STX8: variants seen among roughly 807,000 people sequenced by gnomAD.
STX8 encodes the protein syntaxin 8.
STX8 carries 23 observed loss-of-function variants against 37.5 expected under a neutral mutation model. The observed-to-expected ratio is 0.61, with a 90% CI of 0.44 to 0.87. The LOEUF (loss-of-function observed/expected upper bound fraction) is 0.87. Ranked by LOEUF, STX8 falls within the 40% of genes least tolerant of loss-of-function variation. The pLI is 0.00. For missense variants in STX8, 313 were observed against 284.7 expected (o/e 1.10, Z -0.71); for synonymous variants, 115 against 99.1 (o/e 1.16, Z -0.95).
intron 7 of STX8, among the ~76,000 whole-genome samples, chr17:9,347,436 C>T (rs1910570127): frequency 6.6e-6 from 1 of 152,148 alleles, no homozygotes; most frequent in African/African-American, 2.4e-5. Context: ...ACAAAAATGA[C>T]CATTTTAACA....
intron 2 of STX8, among the ~76,000 whole-genome samples, chr17:9,559,096 T>C (rs149628813): frequency 3.3e-5 from 5 of 152,246 alleles, no homozygotes; most frequent in African/African-American, 1.2e-4. Flanking sequence ...ATTGAAACCA[T>C]GAAAGCACCA....
chr17:9,528,274 G>A (rs1905659931), intron 4 of STX8, among the ~76,000 whole-genome samples: 1 of 152,092 alleles, frequency 6.6e-6, no homozygotes, highest in African/African-American at 2.4e-5. Flanking sequence ...GGGAGAGAGA[G>A]TATGAACTTT....
At chr17:9,311,048 C>T (rs1021674446) in intron 7 of STX8, among the ~76,000 whole-genome samples, 12 of 151,960 alleles carry the variant, frequency 7.9e-5, no homozygotes, top group African/African-American at 2.7e-4. Flanking sequence ...ACCAGCCTGA[C>T]CCACGTGGTG....
chr17:9,446,992 A>C (rs1177284673), intron 6 of STX8, among the ~76,000 whole-genome samples: 1 of 152,212 alleles, frequency 6.6e-6, no homozygotes, highest in Non-Finnish European at 1.5e-5. Context: ...TTATGTTATA[A>C]ATCTCAAACA....
intron 6 of STX8, among the ~76,000 whole-genome samples, chr17:9,473,943 A>G (rs1905989794): frequency 6.6e-6 from 1 of 152,214 alleles, no homozygotes; most frequent in Admixed American, 6.5e-5. Flanking sequence ...AGCCATACCA[A>G]TGGCTAGAGG....
chr17:9,445,348 C>A (rs1386699600), intron 6 of STX8, among the ~76,000 whole-genome samples: 1 of 151,598 alleles, frequency 6.6e-6, no homozygotes, highest in African/African-American at 2.4e-5. Context: ...TATTTCATGT[C>A]ACTGCTAAAG....
In STX8 at chr17:9,563,275, T is replaced by G. The variant is rs1349185272; in HGVS notation, c.117+5096A>C. Among the ~76,000 whole-genome samples, 6 of 152,112 alleles carry G rather than the reference T, an allele frequency of 3.9e-5. No homozygotes were observed. The South Asian group carries it at 1.2e-3, about 32-fold the overall frequency. On this transcript the variant is annotated intron_variant, in intron 2 of 7. Transcript: ENST00000306357. ...TCGGCTCGCTGTAACCTCCGCCTCC[T>G]GAGTTCAAGTGATTCTCCTGCCTCA...
intron 7 of STX8, among the ~76,000 whole-genome samples, chr17:9,253,933 G>A (rs1314040040): frequency 1.3e-5 from 2 of 152,172 alleles, no homozygotes; most frequent in African/African-American, 2.4e-5. Context: ...GAGGTCCAAG[G>A]GAAGAGGCCT....
rs769638594 is a variant in STX8, at chr17:9,250,625, G to A, written c.664C>T (p.Leu222=). ...ACAACCACGATAGCCACAAGCAGCA[G>A]TAAAATCACCATGATCATCCCTGGA... ...ASCGMIMVIL[L]LLVAIVVVAV... Residue 222 remains leucine, a synonymous_variant, in exon 8 of 8, where the codon CTG becomes TTG. Transcript: ENST00000306357. The A allele has an allele frequency of 6.2e-7, 1 of 1,600,120 alleles. No homozygotes were observed. The highest frequency in any genetic ancestry group is 2.2e-5 in the East Asian group (1 of 44,600).
At chr17:9,405,209 T>C (rs1025419383) in intron 6 of STX8, among the ~76,000 whole-genome samples, 26 of 152,302 alleles carry the variant, frequency 1.7e-4, no homozygotes, top group Non-Finnish European at 1.3e-4. Context: ...TTCCATAGCA[T>C]TGGCAATCCT....
At chr17:9,291,026 A>T (rs1908295236) in intron 7 of STX8, among the ~76,000 whole-genome samples, 1 of 152,216 alleles carries the variant, frequency 6.6e-6, no homozygotes, top group Non-Finnish European at 1.5e-5. Flanking sequence ...CCAGAAGTAG[A>T]ATCAACCCGA....
chr17:9,409,992 G>A (rs140250718), intron 6 of STX8, among the ~76,000 whole-genome samples: 5 of 151,506 alleles, frequency 3.3e-5, no homozygotes, highest in Non-Finnish European at 5.9e-5. Context: ...CCTATGAATC[G>A]TAAGTACGAA....
chr17:9,285,658 C>A lies in STX8; in HGVS notation c.644-35013G>T, dbSNP rs554242373. 3.3e-5 allele frequency among the ~76,000 whole-genome samples: 5 copies of A among 152,220 alleles called. No homozygotes were observed. In the South Asian group the frequency reaches 8.3e-4, roughly 25 times the overall value. The stretch of plus-strand genomic sequence containing the variant: ...GCCTGGTAGTCCCAAACAGTGATCA[C>A]CCTGGTTAAATAAATACAAAAAGGC... On this transcript the variant is annotated intron_variant, in intron 7 of 7. Transcript: ENST00000306357.
At chr17:9,311,044 C>T (rs989726812) in intron 7 of STX8, among the ~76,000 whole-genome samples, 6 of 152,074 alleles carry the variant, frequency 3.9e-5, no homozygotes, top group African/African-American at 1.4e-4. Context: ...CGAGACCAGC[C>T]TGACCCACGT....
Position 9,545,169 on chromosome 17 carries a change from TAC to T in STX8, c.323+1_323+2del. 1 of 1,606,148 alleles carries T rather than the reference TAC, an allele frequency of 6.2e-7. No individual in the cohort carries two copies. The highest frequency in any genetic ancestry group is 8.5e-7 in the Non-Finnish European group (1 of 1,173,062). Reference sequence around the variant, plus strand: ...GTAATCCCTGTAAATAAAAACATCCTACCTGATTAGATCTGGTTCGGCACCCT... The same window carrying T: ...GTAATCCCTGTAAATAAAAACATCCTCTGATTAGATCTGGTTCGGCACCCT... On this transcript the variant is annotated splice_donor_variant, in intron 4 of 7. Coordinates refer to ENST00000306357, the MANE Select transcript of STX8 (RefSeq NM_004853.3). LOFTEE classifies it high-confidence loss of function.
intron 7 of STX8, among the ~76,000 whole-genome samples, chr17:9,315,528 C>T (rs1909354662): frequency 6.6e-6 from 1 of 152,220 alleles, no homozygotes; most frequent in African/African-American, 2.4e-5. Flanking sequence ...GGATGCGTGT[C>T]ACATGCATTT....
intron 6 of STX8, among the ~76,000 whole-genome samples, chr17:9,479,853 C>T (rs1345572543): frequency 3.9e-5 from 6 of 152,044 alleles, no homozygotes; most frequent in Admixed American, 1.3e-4. Context: ...TCCTGGCCCC[C>T]TCCTGCCCAT....
intron 4 of STX8, among the ~76,000 whole-genome samples, chr17:9,538,493 T>C (rs1567602306): frequency 6.6e-6 from 1 of 152,246 alleles, no homozygotes; most frequent in Non-Finnish European, 1.5e-5. Flanking sequence ...GAATTTAATG[T>C]AAATTTTTCT....
intron 6 of STX8, among the ~76,000 whole-genome samples, chr17:9,464,398 T>G (rs1434644606): frequency 1.3e-5 from 2 of 152,232 alleles, no homozygotes; most frequent in Non-Finnish European, 2.9e-5. Context: ...CTAGGTATAA[T>G]CCTTAAAGTC....
Sources: allele counts gnomAD v4.1 joint callset (sites outside exome capture counted in the v4.1 genomes callset), GRCh38; gene constraint gnomAD v4.1.1; transcripts MANE v1.5; gene names NCBI Gene and HGNC (gene_info 2026-07-23, HGNC 2026-07-21).